Variants in PPP2R2C observed in about 807,000 individuals in gnomAD.
PPP2R2C encodes the protein protein phosphatase 2, regulatory subunit B, gamma.
Under a neutral mutation model 45.3 loss-of-function variants are expected in PPP2R2C, and 10 were observed. The observed-to-expected ratio is 0.22, with a 90% CI of 0.14 to 0.37. The LOEUF is 0.37. Among genes scored for constraint, PPP2R2C ranks in the 10% least tolerant of loss-of-function variants. The pLI is 1.00. For synonymous variants in PPP2R2C, 257 were observed against 245.4 expected (o/e 1.05, Z -0.44); for missense variants, 308 against 619.7 (o/e 0.50, Z 5.34).
At chr4:6,361,473 C>A (rs368960475) in intron 5 of PPP2R2C, among the ~76,000 whole-genome samples, 16 of 152,354 alleles carry the variant, frequency 1.1e-4, no homozygotes, top group East Asian at 9.6e-4. Context: ...CTGTGCTCTG[C>A]TTTTCTTATC....
intron 1 of PPP2R2C, among the ~76,000 whole-genome samples, chr4:6,535,947 C>A (rs550866884): frequency 6.6e-6 from 1 of 152,212 alleles, no homozygotes; most frequent in African/African-American, 2.4e-5. Flanking sequence ...CAACACCCCA[C>A]GCTGCAGTCC....
At chr4:6,365,577 C>A (rs543504328) in intron 5 of PPP2R2C, among the ~76,000 whole-genome samples, 1 of 152,194 alleles carries the variant, frequency 6.6e-6, no homozygotes, top group Non-Finnish European at 1.5e-5. Flanking sequence ...AGAGCCTGGG[C>A]TCAGGGTCCC....
intron 2 of PPP2R2C, among the ~76,000 whole-genome samples, chr4:6,494,249 G>T (rs573349829): frequency 8.5e-4 from 130 of 152,322 alleles, no homozygotes; most frequent in African/African-American, 3.1e-3. Context: ...AGGGGACGCA[G>T]GAGATCCTGG....
chr4:6,501,755 C>G (rs1723064181), intron 2 of PPP2R2C, among the ~76,000 whole-genome samples: 1 of 152,194 alleles, frequency 6.6e-6, no homozygotes, highest in Non-Finnish European at 1.5e-5. Flanking sequence ...TCACTCTCTA[C>G]CTGGCCCTGC....
chr4:6,472,313 A>G lies in PPP2R2C; in HGVS notation c.-84T>C. ...AGAGGTCGCGCCGGGCGCGCGGGCC[A>G]TGCCGCCGCAGCCTAGCAGGGGCGC... On this transcript the variant is annotated 5_prime_UTR_variant, in exon 1 of 9. It removes an upstream start codon present in the reference 5' UTR. Coordinates refer to ENST00000382599, the MANE Select transcript of PPP2R2C (RefSeq NM_020416.4). 6.3e-7 allele frequency: 1 copy of G among 1,577,062 alleles called. No homozygotes were observed. The highest frequency in any genetic ancestry group is 2.3e-5 in the East Asian group (1 of 42,842).
At chr4:6,507,095 C>T (rs1723262610) in intron 2 of PPP2R2C, among the ~76,000 whole-genome samples, 1 of 152,200 alleles carries the variant, frequency 6.6e-6, no homozygotes, top group South Asian at 2.1e-4. Context: ...CCAGCCAGGA[C>T]AGTGGGAATG....
At chr4:6,403,312 C>T (rs917314333) in intron 1 of PPP2R2C, among the ~76,000 whole-genome samples, 1 of 152,206 alleles carries the variant, frequency 6.6e-6, no homozygotes, top group Non-Finnish European at 1.5e-5. Context: ...CGGAGCGGAG[C>T]CCCTTAGAAA....
intron 6 of PPP2R2C, among the ~76,000 whole-genome samples, chr4:6,346,513 G>A (rs1214572390): frequency 1.3e-4 from 20 of 152,178 alleles, no homozygotes; most frequent in Admixed American, 1.3e-3. Context: ...TCAGGTGTGT[G>A]TTCACTGTCT....
chr4:6,509,143 C>T (rs1356476541), intron 2 of PPP2R2C, among the ~76,000 whole-genome samples: 1 of 152,184 alleles, frequency 6.6e-6, no homozygotes, highest in African/African-American at 2.4e-5. Context: ...GTTTGAACCG[C>T]AGTGTTTAAA....
chr4:6,326,643 G>A (rs1462249785), intron 8 of PPP2R2C, among the ~76,000 whole-genome samples: 2 of 152,208 alleles, frequency 1.3e-5, no homozygotes, highest in African/African-American at 2.4e-5. Flanking sequence ...TCCCCAAAGC[G>A]GCCACGAAGG....
intron 1 of PPP2R2C, among the ~76,000 whole-genome samples, chr4:6,552,506 CTT>C (rs913972160): frequency 6.6e-6 from 1 of 152,058 alleles, no homozygotes; most frequent in Non-Finnish European, 1.5e-5. Flanking sequence ...TTTCTCTCCT[CTT>C]TCTTTCTCCC....
chr4:6,406,766 T>A (rs191178007), intron 1 of PPP2R2C, among the ~76,000 whole-genome samples: 63 of 152,020 alleles, frequency 4.1e-4, no homozygotes, highest in Admixed American at 2.4e-3. Context: ...CAAAAATAAA[T>A]AAATACATTA....
At chr4:6,360,511 C>T (rs1050679552) in intron 5 of PPP2R2C, among the ~76,000 whole-genome samples, 11 of 152,276 alleles carry the variant, frequency 7.2e-5, no homozygotes, top group South Asian at 6.2e-4. Context: ...AGGAAGCTGT[C>T]GCCATGGCAA....
intron 6 of PPP2R2C, among the ~76,000 whole-genome samples, chr4:6,341,338 CAAAAAAA>C (rs10604483): frequency 1.1e-5 from 1 of 91,296 alleles, no homozygotes; most frequent in Non-Finnish European, 2.4e-5. Context: ...GACTCCATTT[CAAAAAAA>C]AAAAAAAAAA....
At chr4:6,501,061 T>C (rs922048330) in intron 2 of PPP2R2C, among the ~76,000 whole-genome samples, 2 of 152,196 alleles carry the variant, frequency 1.3e-5, no homozygotes, top group Non-Finnish European at 2.9e-5. Context: ...GAGAGAATCA[T>C]TGTGATCCAA....
At chr4:6,344,253 G>T (rs1160866348) in intron 6 of PPP2R2C, among the ~76,000 whole-genome samples, 2 of 152,268 alleles carry the variant, frequency 1.3e-5, no homozygotes, top group East Asian at 3.8e-4. Context: ...AACGTTCACT[G>T]CAGCCCTGGG....
At chr4:6,383,395 G>C (rs1715997553) in intron 1 of PPP2R2C, 1 of 1,289,670 alleles carries the variant, frequency 7.8e-7, no homozygotes. Context: ...CTCAGCAAAA[G>C]GTACCTCCTC....
intron 1 of PPP2R2C, among the ~76,000 whole-genome samples, chr4:6,438,723 G>A (rs998599201): frequency 6.6e-6 from 1 of 152,158 alleles, no homozygotes; most frequent in Admixed American, 6.5e-5. Flanking sequence ...TTGGGATTTT[G>A]CAGAATGAGA....
intron 1 of PPP2R2C, among the ~76,000 whole-genome samples, chr4:6,463,407 C>T (rs2108760293): frequency 6.6e-6 from 1 of 152,358 alleles, no homozygotes; most frequent in African/African-American, 2.4e-5. Context: ...GGAGGAGGCC[C>T]TTGGCCTGCA....
Sources: gnomAD v4.1 joint callset for allele counts (sites outside exome capture counted in the v4.1 genomes callset) on GRCh38, gnomAD v4.1.1 for gene constraint, MANE v1.5 for transcripts, NCBI Gene and HGNC (gene_info 2026-07-23, HGNC 2026-07-21) for gene names.